Variants in CCDC85A observed in about 807,000 individuals in gnomAD.
The protein encoded by CCDC85A is coiled-coil domain-containing protein 85A.
CCDC85A carries 38 observed loss-of-function variants against 50.2 expected under a neutral mutation model. The ratio of observed to expected loss-of-function variants is 0.76; its 90% CI spans 0.58 to 0.99. CCDC85A has a LOEUF of 0.99. CCDC85A is among the 50% of genes least tolerant of loss of function. The pLI is 0.00. For missense variants in CCDC85A, 820 were observed against 742.0 expected, an observed-to-expected ratio of 1.11 and a Z score of -1.22; for synonymous variants, 366 against 301.4, an observed-to-expected ratio of 1.21 and a Z score of -2.22.
chr2:56,203,586 C>A (rs1034269231), intron 2 of CCDC85A, among the ~76,000 whole-genome samples: 1 of 152,092 alleles, frequency 6.6e-6, no homozygotes, highest in Non-Finnish European at 1.5e-5. Flanking sequence ...GCCAGGTATA[C>A]AAAAGACATT....
intron 2 of CCDC85A, among the ~76,000 whole-genome samples, chr2:56,250,788 C>G (rs923180115): frequency 1.3e-5 from 2 of 152,110 alleles, no homozygotes; most frequent in East Asian, 1.9e-4. Flanking sequence ...TTTGTCATTG[C>G]TAGAGTTGAT....
At chr2:56,350,041 T>C (rs990790535) in intron 3 of CCDC85A, among the ~76,000 whole-genome samples, 1 of 151,326 alleles carries the variant, frequency 6.6e-6, no homozygotes, top group African/African-American at 2.4e-5. Flanking sequence ...GAGAAGCTAA[T>C]GTTGCCTTGA....
At chr2:56,185,404 G>C (rs903465544) in intron 1 of CCDC85A, among the ~76,000 whole-genome samples, 11 of 152,142 alleles carry the variant, frequency 7.2e-5, no homozygotes, top group Admixed American at 2.6e-4. Flanking sequence ...AGCAGCGGGC[G>C]CCACCCTCAG....
intron 2 of CCDC85A, among the ~76,000 whole-genome samples, chr2:56,336,788 T>C (rs1303875239): frequency 2.0e-5 from 3 of 152,202 alleles, no homozygotes; most frequent in East Asian, 3.8e-4. Context: ...ATTGAATGCA[T>C]TGCAGGTTAG....
At chr2:56,252,193 C>A (rs1669792303) in intron 2 of CCDC85A, among the ~76,000 whole-genome samples, 2 of 152,056 alleles carry the variant, frequency 1.3e-5, no homozygotes, top group South Asian at 4.2e-4. Flanking sequence ...ATTACAGGTG[C>A]CTGCCACCAT....
In CCDC85A at chr2:56,278,973, A is replaced by G. The variant is rs116098789; in HGVS notation, c.1241-63906A>G. On this transcript the variant is annotated intron_variant, in intron 2 of 5. Coordinates refer to ENST00000407595, the MANE Select transcript of CCDC85A (RefSeq NM_001080433.2). ...AGGCACGAGGGGGAAGGAACAAACC[A>G]TCTCCTTCTTAACTGATGAAACTAC... 5.9e-3 allele frequency among the ~76,000 whole-genome samples: 898 copies of G among 152,296 alleles called. 5 individuals are homozygous for G. Among genetic ancestry groups the G allele is most frequent in the African/African-American group, 0.019 (790 of 41,552 alleles).
chr2:56,338,155 C>G (rs1362458217), intron 2 of CCDC85A, among the ~76,000 whole-genome samples: 1 of 152,038 alleles, frequency 6.6e-6, no homozygotes, highest in Admixed American at 6.5e-5. Context: ...TCTTTTGGAG[C>G]CTCATTCTCA....
intron 2 of CCDC85A, among the ~76,000 whole-genome samples, chr2:56,324,804 A>G (rs1433540231): frequency 6.6e-6 from 1 of 152,032 alleles, no homozygotes; most frequent in Non-Finnish European, 1.5e-5. Context: ...AGAGGCATGT[A>G]CCTTAGTTTA....
intron 2 of CCDC85A, among the ~76,000 whole-genome samples, chr2:56,248,300 C>G (rs1669599319): frequency 6.6e-6 from 1 of 152,170 alleles, no homozygotes; most frequent in African/African-American, 2.4e-5. Flanking sequence ...TTGGTTGGGT[C>G]TCCAGCCTTG....
At chr2:56,368,071 A>G (rs553477381) in intron 3 of CCDC85A, among the ~76,000 whole-genome samples, 21 of 152,288 alleles carry the variant, frequency 1.4e-4, no homozygotes, top group African/African-American at 5.1e-4. Context: ...TTCAACAAAA[A>G]TTCGTTGGAA....
intron 3 of CCDC85A, among the ~76,000 whole-genome samples, chr2:56,343,815 A>C (rs1674493948): frequency 6.6e-6 from 1 of 152,254 alleles, no homozygotes; most frequent in African/African-American, 2.4e-5. Context: ...ACTAGTAAGC[A>C]GTAGTTTAAA....
chr2:56,241,851 G>A lies in CCDC85A; in HGVS notation c.1240+48411G>A, dbSNP rs1462898524. On this transcript the variant is annotated intron_variant, in intron 2 of 5. Coordinates refer to ENST00000407595, the MANE Select transcript of CCDC85A (RefSeq NM_001080433.2). The stretch of plus-strand genomic sequence containing the variant: ...TTTTTTGGGTATATGCCTAACAGTG[G>A]AATTGCTGGATCATAAGGTAGCTCT... Among the ~76,000 whole-genome samples the A allele has an allele frequency of 3.9e-5, 6 of 152,164 alleles. No homozygotes were observed. The East Asian group carries it at 1.2e-3, about 29-fold the overall frequency.
intron 2 of CCDC85A, among the ~76,000 whole-genome samples, chr2:56,277,104 CTT>C (rs1411612570): frequency 6.6e-6 from 1 of 152,142 alleles, no homozygotes; most frequent in Non-Finnish European, 1.5e-5. Context: ...GCTTTGATGA[CTT>C]TTTTCATTCT....
At chr2:56,231,972 T>A (rs1668792921) in intron 2 of CCDC85A, among the ~76,000 whole-genome samples, 1 of 152,126 alleles carries the variant, frequency 6.6e-6, no homozygotes, top group Non-Finnish European at 1.5e-5. Flanking sequence ...GTGATCATGA[T>A]GTCATGCTTC....
chr2:56,272,487 A>G (rs1027559635), intron 2 of CCDC85A, among the ~76,000 whole-genome samples: 4 of 152,152 alleles, frequency 2.6e-5, no homozygotes, highest in African/African-American at 9.7e-5. Flanking sequence ...TCCACCTAAC[A>G]TGGTCATGTG....
intron 2 of CCDC85A, among the ~76,000 whole-genome samples, chr2:56,337,758 A>G (rs1173814993): frequency 6.6e-6 from 1 of 151,252 alleles, no homozygotes; most frequent in South Asian, 2.1e-4. Context: ...CCAACTGCTT[A>G]TAAGTTTCTT....
intron 2 of CCDC85A, among the ~76,000 whole-genome samples, chr2:56,298,280 C>T (rs1484563780): frequency 6.6e-6 from 1 of 152,082 alleles, no homozygotes; most frequent in Non-Finnish European, 1.5e-5. Flanking sequence ...AAGGTAATTA[C>T]AGAAGTGAGG....
chr2:56,210,350 A>G (rs1263439063), intron 2 of CCDC85A, among the ~76,000 whole-genome samples: 1 of 152,078 alleles, frequency 6.6e-6, no homozygotes, highest in African/African-American at 2.4e-5. Context: ...CTGACTGCAC[A>G]TTGCCACATG....
chr2:56,262,526 T>A (rs899160250), intron 2 of CCDC85A, among the ~76,000 whole-genome samples: 9 of 152,272 alleles, frequency 5.9e-5, no homozygotes, highest in African/African-American at 2.2e-4. Flanking sequence ...GACTCAAGTG[T>A]CCCCAGGTAA....
Sources: gnomAD v4.1 joint callset for allele counts (sites outside exome capture counted in the v4.1 genomes callset) on GRCh38, gnomAD v4.1.1 for gene constraint, MANE v1.5 for transcripts, NCBI Gene and HGNC (gene_info 2026-07-23, HGNC 2026-07-21) for gene names.